Variants in STK32B observed in about 807,000 individuals in gnomAD.
STK32B encodes serine/threonine kinase 32B.
STK32B carries 43 observed loss-of-function variants against 52.6 expected under a neutral mutation model. The ratio of observed to expected loss-of-function variants is 0.82; its 90% CI spans 0.64 to 1.05. The LOEUF is 1.05. STK32B is among the 50% of genes least tolerant of loss of function. The pLI, the probability that STK32B is intolerant of heterozygous loss-of-function variation, is 0.00. For missense variants in STK32B, 621 were observed against 534.6 expected (o/e 1.16, Z -1.59); for synonymous variants, 238 against 204.3 (o/e 1.17, Z -1.41).
chr4:5,243,224 T>A (rs1725172444), intron 3 of STK32B, among the ~76,000 whole-genome samples: 1 of 152,226 alleles, frequency 6.6e-6, no homozygotes, highest in Non-Finnish European at 1.5e-5. Flanking sequence ...GGAATGTTCT[T>A]CCATTTGTTT....
In STK32B at chr4:5,347,094, A is replaced by C. The variant is rs142046881; in HGVS notation, c.434+15701A>C. 1.9e-4 allele frequency among the ~76,000 whole-genome samples: 29 copies of C among 152,302 alleles called. No homozygotes were observed. The East Asian group carries it at 5.2e-3, about 27-fold the overall frequency. ...ACATGTGGGGATTATGGGGATTACA[A>C]TGTGAGGACATGAGATTTGGGTGGG... On this transcript the variant is annotated intron_variant, in intron 4 of 11. Coordinates refer to ENST00000282908, the MANE Select transcript of STK32B (RefSeq NM_018401.3).
chr4:5,493,303 C>T (rs1272270859), intron 11 of STK32B, among the ~76,000 whole-genome samples: 2 of 152,086 alleles, frequency 1.3e-5, no homozygotes, highest in Non-Finnish European at 2.9e-5. Context: ...CTGGTTTAGT[C>T]TTGGGAGGGT....
chr4:5,486,574 G>A (rs1218787466), intron 11 of STK32B, among the ~76,000 whole-genome samples: 3 of 152,214 alleles, frequency 2.0e-5, no homozygotes, highest in African/African-American at 7.2e-5. Context: ...CACGCTCGGT[G>A]CGCTGCACCC....
intron 4 of STK32B, among the ~76,000 whole-genome samples, chr4:5,337,510 T>C (rs1467749376): frequency 2.6e-5 from 4 of 152,098 alleles, no homozygotes; most frequent in African/African-American, 9.7e-5. Flanking sequence ...CAGATAGGCG[T>C]AGGAAAACTC....
chr4:5,133,464 G>C (rs1715895732), intron 1 of STK32B, among the ~76,000 whole-genome samples: 1 of 152,064 alleles, frequency 6.6e-6, no homozygotes, highest in African/African-American at 2.4e-5. Flanking sequence ...ACTCAATGTA[G>C]GTCATTCATT....
chr4:5,485,503 G>A (rs992080755), intron 11 of STK32B, among the ~76,000 whole-genome samples: 2 of 151,984 alleles, frequency 1.3e-5, no homozygotes, highest in African/African-American at 4.8e-5. Context: ...TTTTTTTCAA[G>A]GTTTTTAACT....
upstream of STK32B, among the ~76,000 whole-genome samples, chr4:5,050,104 G>C (rs1407137930): frequency 6.6e-6 from 1 of 152,206 alleles, no homozygotes; most frequent in Non-Finnish European, 1.5e-5. Context: ...TGAGCTAGGG[G>C]CCAGCTCTGT....
chr4:5,322,434 G>A (rs1410379905), intron 3 of STK32B, among the ~76,000 whole-genome samples: 2 of 152,250 alleles, frequency 1.3e-5, no homozygotes, highest in South Asian at 2.1e-4. Context: ...ATGGAAAGTG[G>A]CCTGAGGAGA....
chr4:5,457,889 A>AAGGGAGGGAGGGAGGGATGG, intron 8 of STK32B, among the ~76,000 whole-genome samples: 2 of 127,394 alleles, frequency 1.6e-5, no homozygotes, highest in Admixed American at 8.0e-5. Context: ...GGCGAGGCGG[A>AAGGGAGGGAGGGAGGGATGG]AGGGAGGGAG....
intron 3 of STK32B, among the ~76,000 whole-genome samples, chr4:5,278,884 TAAAC>T (rs1293609864): frequency 2.6e-5 from 4 of 152,042 alleles, no homozygotes; most frequent in Non-Finnish European, 5.9e-5. Context: ...TACACACTTT[TAAAC>T]AACCATATCT....
At chr4:5,406,434 CT>C (rs1317715817) in intron 5 of STK32B, among the ~76,000 whole-genome samples, 1 of 152,152 alleles carries the variant, frequency 6.6e-6, no homozygotes, top group African/African-American at 2.4e-5. Flanking sequence ...CCAGTGGGGA[CT>C]TTCTGTGGGG....
chr4:5,337,726 G>C (rs113666415), intron 4 of STK32B, among the ~76,000 whole-genome samples: 1 of 151,996 alleles, frequency 6.6e-6, no homozygotes, highest in Non-Finnish European at 1.5e-5. Flanking sequence ...AAAAAACTCA[G>C]TAAAAATAAC....
chr4:5,212,316 C>T (rs150607782), intron 3 of STK32B, among the ~76,000 whole-genome samples: 3 of 152,200 alleles, frequency 2.0e-5, no homozygotes, highest in Middle Eastern at 3.4e-3. Context: ...GATTCAGACC[C>T]GAGCAGTCAA....
At chr4:5,110,208 T>A (rs1714322459) in intron 1 of STK32B, among the ~76,000 whole-genome samples, 1 of 147,894 alleles carries the variant, frequency 6.8e-6, no homozygotes, top group Non-Finnish European at 1.5e-5. Flanking sequence ...ATGCAGCTCC[T>A]ATTAAATTAC....
In STK32B at chr4:5,446,775, G is replaced by A. The variant is rs1715482100; in HGVS notation, c.665G>A (p.Trp222Ter). 5.6e-6 allele frequency: 9 copies of A among 1,613,928 alleles called. No homozygotes were observed. The highest frequency in any genetic ancestry group is 7.6e-6 in the Non-Finnish European group (9 of 1,179,906). ...GITAYELLRG[W>*]RPYEIHSVTP... ...ACAGCCTATGAGCTGCTGCGGGGCT[G>A]GGTAAGACAGGCACCTGTGCGGTAC... is the stretch of plus-strand genomic sequence containing the variant. Residue 222 changes from tryptophan to a stop codon, truncating the protein, a stop_gained and splice_region_variant, in exon 7 of 12, where the codon TGG becomes TAG. Transcript: ENST00000282908. LOFTEE classifies it high-confidence loss of function.
chr4:5,312,996 T>C (rs565910703), intron 3 of STK32B, among the ~76,000 whole-genome samples: 1 of 151,996 alleles, frequency 6.6e-6, no homozygotes, highest in East Asian at 1.9e-4. Context: ...ATTATCCTGA[T>C]AACAAAAGCA....
At chr4:5,451,190 A>G (rs776585195) in intron 7 of STK32B, among the ~76,000 whole-genome samples, 8 of 152,236 alleles carry the variant, frequency 5.3e-5, no homozygotes, top group Non-Finnish European at 7.3e-5. Context: ...CAAGACAGGT[A>G]GATGCAGGTA....
chr4:5,206,705 C>T (rs1485755430), intron 3 of STK32B, among the ~76,000 whole-genome samples: 1 of 152,068 alleles, frequency 6.6e-6, no homozygotes, highest in Non-Finnish European at 1.5e-5. Context: ...TTCCATAAAC[C>T]CAGATCTGTT....
rs1717742699 is a variant in STK32B, at chr4:5,470,149, G to A, written c.1106+2079G>A. 6.6e-6 allele frequency among the ~76,000 whole-genome samples: 1 copy of A among 152,150 alleles called. No individual in the cohort carries two copies. Among genetic ancestry groups the A allele is most frequent in the African/African-American group, 2.4e-5 (1 of 41,436 alleles). On this transcript the variant is annotated intron_variant, in intron 11 of 11. Coordinates refer to ENST00000282908, the MANE Select transcript of STK32B (RefSeq NM_018401.3). This position sits in a 1 kb window ranked among gnomAD's most constrained non-coding sequence, Gnocchi z 4.6. ...AAGTGAGAATGAGACATCCTTCCCT[G>A]TGTCATTTAGGAGTTGCGTCTGCTG...
Sources: allele counts gnomAD v4.1 joint callset (sites outside exome capture counted in the v4.1 genomes callset), GRCh38; gene constraint gnomAD v4.1.1; non-coding constraint Gnocchi (gnomAD v3.1); transcripts MANE v1.5; gene names NCBI Gene and HGNC (gene_info 2026-07-23, HGNC 2026-07-21).